Variants in TSPAN5 observed in about 807,000 individuals in gnomAD.
TSPAN5 encodes the protein tetraspanin 5, also known as tetraspanin-5.
In TSPAN5, 10 loss-of-function variants were observed where a neutral mutation model predicts 37.1. The observed-to-expected ratio is 0.27, with a 90% CI of 0.17 to 0.46. The LOEUF (loss-of-function observed/expected upper bound fraction) is 0.46. Ranked by LOEUF, TSPAN5 falls within the 20% of genes least tolerant of loss-of-function variation. The pLI is 1.00. For missense variants in TSPAN5, 195 were observed against 326.6 expected, an observed-to-expected ratio of 0.60 and a Z score of 3.11; for synonymous variants, 110 against 118.9, an observed-to-expected ratio of 0.93 and a Z score of 0.48.
intron 1 of TSPAN5, among the ~76,000 whole-genome samples, chr4:98,624,161 C>T (rs1296618843): frequency 6.6e-6 from 1 of 151,836 alleles, no homozygotes; most frequent in Non-Finnish European, 1.5e-5. Context: ...CAAAGCCTTA[C>T]AAAAACCCAA....
chr4:98,581,951 G>A (rs995254791), intron 1 of TSPAN5, among the ~76,000 whole-genome samples: 7 of 152,110 alleles, frequency 4.6e-5, no homozygotes, highest in Non-Finnish European at 7.3e-5. Flanking sequence ...AGATGCCCCC[G>A]AATGTGTTCA....
At chr4:98,657,226 AAGAGT>A (rs1444570146) in intron 1 of TSPAN5, among the ~76,000 whole-genome samples, 1 of 152,164 alleles carries the variant, frequency 6.6e-6, no homozygotes, top group Non-Finnish European at 1.5e-5. Flanking sequence ...AACAAACAAA[AAGAGT>A]AGGCGTCCCA....
At chr4:98,501,032 C>T (rs1753334953) in intron 2 of TSPAN5, among the ~76,000 whole-genome samples, 1 of 152,176 alleles carries the variant, frequency 6.6e-6, no homozygotes, top group African/African-American at 2.4e-5. Flanking sequence ...TGTGAGTGAT[C>T]ACTCTCCCTC....
chr4:98,494,961 T>C (rs954758866), intron 2 of TSPAN5, among the ~76,000 whole-genome samples: 3 of 152,100 alleles, frequency 2.0e-5, no homozygotes, highest in Non-Finnish European at 2.9e-5. Flanking sequence ...GCAGAAGCCA[T>C]GAGTGGTGGA....
At chr4:98,582,242 G>A (rs1393098476) in intron 1 of TSPAN5, among the ~76,000 whole-genome samples, 5 of 152,212 alleles carry the variant, frequency 3.3e-5, no homozygotes, top group Non-Finnish European at 5.9e-5. Context: ...CGACGCAACC[G>A]CATGTTGCGT....
intron 1 of TSPAN5, among the ~76,000 whole-genome samples, chr4:98,582,000 G>T (rs1182516373): frequency 1.1e-4 from 16 of 152,190 alleles, no homozygotes; most frequent in Admixed American, 9.8e-4. Flanking sequence ...CCACCCCAGA[G>T]ATCTGTTCCT....
chr4:98,524,225 T>C (rs1474366737), intron 1 of TSPAN5, among the ~76,000 whole-genome samples: 7 of 152,224 alleles, frequency 4.6e-5, no homozygotes. Flanking sequence ...CTTTTTTCCT[T>C]TTGCAAGAAA....
intron 1 of TSPAN5, among the ~76,000 whole-genome samples, chr4:98,511,675 T>C (rs1041295067): frequency 6.6e-6 from 1 of 152,208 alleles, no homozygotes; most frequent in African/African-American, 2.4e-5. Context: ...ATAAAAGGAA[T>C]GTAAAATATC....
chr4:98,583,180 C>T lies in TSPAN5; in HGVS notation c.81+74966G>A, dbSNP rs553696597. Among the ~76,000 whole-genome samples, 9 of 152,190 alleles carry T rather than the reference C, an allele frequency of 5.9e-5. No homozygotes were observed. The Middle Eastern group carries it at 0.014, about 230-fold the overall frequency. ...TCTACCTCATTTTATCAGTTTAGTC[C>T]GATATTTTCACTTTTATTCTTAAGA... is the stretch of plus-strand genomic sequence containing the variant. On this transcript the variant is annotated intron_variant, in intron 1 of 7. Transcript: ENST00000305798.
intron 3 of TSPAN5, chr4:98,484,171 G>C (rs934119229): frequency 1.5e-5 from 4 of 259,388 alleles, no homozygotes; most frequent in Admixed American, 5.0e-5. Flanking sequence ...TAAAATATTT[G>C]GCAGATACCT....
At chr4:98,525,302 T>C (rs140972640) in intron 1 of TSPAN5, among the ~76,000 whole-genome samples, 16 of 152,328 alleles carry the variant, frequency 1.1e-4, no homozygotes, top group African/African-American at 3.6e-4. Flanking sequence ...GCCGGGGCCA[T>C]TGTGCAGAGT....
At chr4:98,545,267 G>A (rs575819954) in intron 1 of TSPAN5, among the ~76,000 whole-genome samples, 4 of 152,358 alleles carry the variant, frequency 2.6e-5, no homozygotes, top group African/African-American at 9.6e-5. Flanking sequence ...GAAAGGCAGA[G>A]CAAGAAATGA....
intron 1 of TSPAN5, among the ~76,000 whole-genome samples, chr4:98,551,159 T>C (rs1196875047): frequency 1.3e-5 from 2 of 152,222 alleles, no homozygotes; most frequent in Admixed American, 1.3e-4. Context: ...TCCTTAATTC[T>C]GTCTGCATGA....
intron 1 of TSPAN5, among the ~76,000 whole-genome samples, chr4:98,512,583 GT>G (rs1367738162): frequency 6.6e-6 from 1 of 152,184 alleles, no homozygotes; most frequent in Admixed American, 6.5e-5. Context: ...AGGGCGATTA[GT>G]TACCTCTGGA....
intron 1 of TSPAN5, among the ~76,000 whole-genome samples, chr4:98,585,498 T>C (rs770357891): frequency 3.9e-5 from 6 of 152,056 alleles, no homozygotes; most frequent in Non-Finnish European, 8.8e-5. Context: ...TCAGTAGAGA[T>C]AGGTTTTCAG....
chr4:98,515,383 C>T (rs1438139020), intron 1 of TSPAN5, among the ~76,000 whole-genome samples: 1 of 152,130 alleles, frequency 6.6e-6, no homozygotes, highest in African/African-American at 2.4e-5. Context: ...TCAGTTCCTG[C>T]CCCCCTCCTG....
At chr4:98,613,598 A>G (rs1207271903) in intron 1 of TSPAN5, among the ~76,000 whole-genome samples, 1 of 152,142 alleles carries the variant, frequency 6.6e-6, no homozygotes, top group Non-Finnish European at 1.5e-5. Context: ...AGGGTCCCAG[A>G]CTGCTTACTT....
chr4:98,559,224 C>T (rs2110166368), intron 1 of TSPAN5, among the ~76,000 whole-genome samples: 1 of 152,298 alleles, frequency 6.6e-6, no homozygotes. Flanking sequence ...TAAAAATTTC[C>T]ATCAGGCTGG....
chr4:98,616,291 C>A (rs1756335481), intron 1 of TSPAN5, among the ~76,000 whole-genome samples: 1 of 152,122 alleles, frequency 6.6e-6, no homozygotes, highest in Non-Finnish European at 1.5e-5. Flanking sequence ...ATGAAGAAAA[C>A]TTCTGGGGCC....
Sources: allele counts gnomAD v4.1 joint callset (sites outside exome capture counted in the v4.1 genomes callset), GRCh38; gene constraint gnomAD v4.1.1; transcripts MANE v1.5; gene names NCBI Gene and HGNC (gene_info 2026-07-23, HGNC 2026-07-21).